The following TPM1 variants were observed in gnomAD, a reference collection of about 807,000 sequenced individuals.
TPM1 encodes the protein tropomyosin 1.
A neutral mutation model predicts 42.9 loss-of-function variants in TPM1; 24 were observed. That is an observed-to-expected ratio of 0.56 (90% CI 0.41 to 0.79). The LOEUF is 0.79. Ranked by LOEUF, TPM1 falls within the 30% of genes least tolerant of loss-of-function variation. The pLI, the probability that TPM1 is intolerant of heterozygous loss-of-function variation, is 0.00. For missense variants in TPM1, 158 were observed against 351.8 expected, an observed-to-expected ratio of 0.45 and a Z score of 4.41; for synonymous variants, 136 against 130.1, an observed-to-expected ratio of 1.05 and a Z score of -0.31.
chr15:63,062,259 T>A lies in TPM1; in HGVS notation c.684T>A (p.Leu228=). The A allele has an allele frequency of 6.2e-7, 1 of 1,614,136 alleles. No individual in the cohort carries two copies. Among genetic ancestry groups the A allele is most frequent in the Non-Finnish European group, 8.5e-7 (1 of 1,180,000 alleles). ...EDRYEEEIKV[L]SDKLKEAETR... is the part of the protein sequence containing the mutation. ...GATATGAGGAAGAGATCAAGGTCCT[T>A]TCCGACAAGCTGAAGGAGGTAATAT... The change falls in exon 7 of 10, where the codon CTT becomes CTA. Residue 228 remains leucine (L), a synonymous_variant. Transcript: ENST00000403994.
downstream of TPM1, chr15:63,070,288 ATG>A: frequency 2.3e-6 from 2 of 879,456 alleles, no homozygotes; most frequent in African/African-American, 2.6e-5. Flanking sequence ...TACTTTAAGT[ATG>A]TATATATATA....
At position 63,066,006 on chromosome 15, in the gene TPM1, G is replaced by T; in HGVS notation, c.*107G>T. 6.4e-7 allele frequency: 1 copy of T among 1,560,178 alleles called. No homozygotes were observed. On this transcript the variant is annotated 3_prime_UTR_variant, in exon 10 of 10. Transcript: ENST00000403994. ...CAGCTGACCCTGGTTCTCTCTCTTA[G>T]CATCCTGCCTTAGAGCCAGGCACAC...
rs368177044 is a variant in TPM1 at position 63,060,954 on chromosome 15, C to T, written c.563+15C>T. ...CTCTCAGAAGGGTAAGCGGGCCCGG[C>T]GCCAGGAGGCCACGAATGGGGTGCT... On this transcript the variant is annotated intron_variant, in intron 5 of 9. Transcript: ENST00000403994. The T allele has an allele frequency of 3.1e-6, 5 of 1,613,554 alleles. No individual in the cohort carries two copies. Among genetic ancestry groups the T allele is most frequent in the African/African-American group, 2.7e-5 (2 of 74,896 alleles).
chr15:63,044,604 A>C (rs2031992580), intron 2 of TPM1: 5 of 302,356 alleles, frequency 1.7e-5, no homozygotes, highest in Non-Finnish European at 3.1e-5. Flanking sequence ...CCTGGCCTCT[A>C]AATGAAAGAA....
intron 5 of TPM1, 162 bp downstream of exon 5, chr15:63,061,101 G>A: frequency 1.4e-6 from 2 of 1,468,134 alleles, no homozygotes; most frequent in South Asian, 2.3e-5. Context: ...GAGGACTCGT[G>A]TGGGGTGTCT....
rs746753372 is a variant in TPM1, at chr15:63,062,739, C to T, written c.772+94C>T. On this transcript the variant is annotated intron_variant, in intron 8 of 9. Coordinates refer to ENST00000403994, the MANE Select transcript of TPM1 (RefSeq NM_001018005.2). ...CAATTCAAGGGCATCCACATTGATA[C>T]GCTCCTTTGCACTTGCACATTCTTC... 3.8e-5 allele frequency: 61 copies of T among 1,598,784 alleles called. 1 individual carries two copies. Among genetic ancestry groups the T allele is most frequent in the South Asian group, 8.9e-5 (8 of 89,472 alleles).
chr15:63,044,393 G>A, intron 2 of TPM1: 1 of 649,516 alleles, frequency 1.5e-6, no homozygotes, highest in Non-Finnish European at 2.7e-6. Context: ...GAGGTGGGTG[G>A]ATGAGAGGCT....
chr15:63,048,782 T>TA (rs1491391961), intron 2 of TPM1: 29 of 1,495,130 alleles, frequency 1.9e-5, no homozygotes, highest in Non-Finnish European at 2.4e-5. Flanking sequence ...GCCCTCCTGC[T>TA]TCCCCCCCCG....
chr15:63,059,382 T>G (rs555544884), intron 3 of TPM1, among the ~76,000 whole-genome samples, 181 bp from the exon 4 acceptor site: 32 of 152,364 alleles, frequency 2.1e-4, no homozygotes, highest in African/African-American at 7.7e-4. Context: ...GAGAGAAATG[T>G]GTCTCTTTTT....
rs561660553 is a variant in TPM1 at position 63,052,488 on chromosome 15, A to T, written c.241-4497A>T. Among the ~76,000 whole-genome samples the T allele has an allele frequency of 1.9e-4, 29 of 152,082 alleles. 1 individual carries two copies. In the South Asian group the frequency reaches 5.8e-3, roughly 31 times the overall value. On this transcript the variant is annotated intron_variant, in intron 2 of 9. Transcript: ENST00000403994. ...CAGTGAGCCGAGGTCATGCCACTGCACTCCAGCCTGGGAGACAGAGCTAGA... is the reference window on the plus strand; with the variant it reads ...CAGTGAGCCGAGGTCATGCCACTGCTCTCCAGCCTGGGAGACAGAGCTAGA...
intron 2 of TPM1, among the ~76,000 whole-genome samples, chr15:63,052,037 C>T (rs959513850): frequency 2.6e-5 from 4 of 151,906 alleles, no homozygotes; most frequent in Non-Finnish European, 5.9e-5. Context: ...CATTGTAAGG[C>T]ACCTCAAGTA....
downstream of TPM1, chr15:63,070,888 C>T (rs1038687969): frequency 6.6e-6 from 9 of 1,361,700 alleles, no homozygotes; most frequent in Admixed American, 3.0e-5. Flanking sequence ...TGTGAGAATC[C>T]GTGCCATGGC....
At chr15:63,053,223 T>G (rs2034218886) in intron 2 of TPM1, among the ~76,000 whole-genome samples, 1 of 152,244 alleles carries the variant, frequency 6.6e-6, no homozygotes, top group South Asian at 2.1e-4. Context: ...GATAATCACT[T>G]TAGCAGATGA....
chr15:63,048,944 G>A, intron 2 of TPM1: 1 of 609,382 alleles, frequency 1.6e-6, no homozygotes, highest in Non-Finnish European at 2.9e-6. Flanking sequence ...GGGGAAACGG[G>A]TGGTGTTGAG....
chr15:63,065,169 T>C (rs2036143287), intron 9 of TPM1: 1 of 985,536 alleles, frequency 1.0e-6, no homozygotes, highest in Non-Finnish European at 1.2e-6. Context: ...CAGTAAGAGT[T>C]GGAGTAGGTA....
intron 2 of TPM1, chr15:63,048,391 T>A: frequency 1.5e-6 from 2 of 1,354,570 alleles, no homozygotes; most frequent in Non-Finnish European, 1.9e-6. Context: ...GCGGTTTGTC[T>A]GCGCAGCCCT....
intron 2 of TPM1, chr15:63,048,180 G>A (rs2032827412): frequency 2.2e-6 from 1 of 453,268 alleles, no homozygotes; most frequent in African/African-American, 2.0e-5. Flanking sequence ...CCGTTACCCC[G>A]GGTCACCACC....
intron 1 of TPM1, chr15:63,043,692 G>C (rs587780971): frequency 6.5e-7 from 1 of 1,543,218 alleles, no homozygotes; most frequent in South Asian, 1.2e-5. Context: ...GCGCCCGCCC[G>C]CCGCTGCCCC....
At chr15:63,059,169 T>C (rs1311944862) in intron 3 of TPM1, among the ~76,000 whole-genome samples, 1 of 152,246 alleles carries the variant, frequency 6.6e-6, no homozygotes, top group Non-Finnish European at 1.5e-5. Context: ...GTTCTAGCTT[T>C]GGTTCATGTG....
Sources: allele counts gnomAD v4.1 joint callset (sites outside exome capture counted in the v4.1 genomes callset), GRCh38; gene constraint gnomAD v4.1.1; transcripts MANE v1.5; gene names NCBI Gene and HGNC (gene_info 2026-07-23, HGNC 2026-07-21).